TTC28: variants seen among roughly 807,000 people sequenced by gnomAD.
The protein encoded by TTC28 is tetratricopeptide repeat protein 28.
TTC28 carries 61 observed loss-of-function variants against 198.0 expected under a neutral mutation model. The ratio of observed to expected loss-of-function variants is 0.31; its 90% CI spans 0.25 to 0.38. TTC28 has a LOEUF of 0.38. Ranked by LOEUF, TTC28 falls within the 10% of genes least tolerant of loss-of-function variation. TTC28 has a pLI of 1.00. For missense variants in TTC28, 2,678 were observed against 3,164.0 expected (o/e 0.85, Z 3.69); for synonymous variants, 1,171 against 1,297.8 (o/e 0.90, Z 2.10).
In TTC28 at chr22:28,107,582, T is replaced by G. The variant is rs1440593605; in HGVS notation, c.2263A>C (p.Ser755Arg). The change falls in exon 7 of 23, where the codon AGT becomes CGT. Residue 755 changes from serine (S) to arginine (R), a missense_variant. Ser to Arg is a moderately radical substitution (Grantham distance 110). Coordinates refer to ENST00000397906, the MANE Select transcript of TTC28 (RefSeq NM_001145418.2). ...GCAGTGCCCAGGGCTGCATATGCAC[T>G]GGCTTCTAATCTTCTGTCCTTTACC... The part of the protein sequence containing the change: ...HQVKDRRLEA[S>R]AYAALGTAYR... The G allele has an allele frequency of 6.4e-7, 1 of 1,551,826 alleles. No individual in the cohort carries two copies. The highest frequency in any genetic ancestry group is 1.4e-5 in the African/African-American group (1 of 73,188).
chr22:28,433,193 T>G (rs2047458927), intron 2 of TTC28, among the ~76,000 whole-genome samples: 1 of 152,232 alleles, frequency 6.6e-6, no homozygotes, highest in South Asian at 2.1e-4. Context: ...TTATAGAAAA[T>G]GTATCTGAAA....
chr22:28,346,273 G>T (rs1040513781), intron 2 of TTC28, among the ~76,000 whole-genome samples: 1 of 152,178 alleles, frequency 6.6e-6, no homozygotes, highest in Non-Finnish European at 1.5e-5. Context: ...CTTTATACCA[G>T]TTATCGCCAA....
At chr22:28,158,027 C>T (rs1943789687) in intron 6 of TTC28, among the ~76,000 whole-genome samples, 1 of 151,306 alleles carries the variant, frequency 6.6e-6, no homozygotes, top group African/African-American at 2.4e-5. Context: ...CTAAAGACTC[C>T]ATCAAAAAAA....
intron 5 of TTC28, among the ~76,000 whole-genome samples, chr22:28,256,364 T>A (rs1350178429): frequency 6.9e-6 from 1 of 145,878 alleles, no homozygotes; most frequent in African/African-American, 2.6e-5. Context: ...GAGGTTGCAG[T>A]GAGCCAAGAT....
At position 27,981,968 on chromosome 22, in the gene TTC28, T is replaced by C. The variant is rs368042467; in HGVS notation, c.*253A>G. On this transcript the variant is annotated 3_prime_UTR_variant, in exon 23 of 23. Transcript: ENST00000397906. Reference sequence around the variant, plus strand: ...AGGGAGTTCAAAGGTAAACAAACATTTGGTGAAGTGTGTAGGAAATTCCAT... The same window carrying C: ...AGGGAGTTCAAAGGTAAACAAACATCTGGTGAAGTGTGTAGGAAATTCCAT... The C allele has an allele frequency of 2.2e-5, 9 of 403,006 alleles. No individual in the cohort carries two copies. Among genetic ancestry groups the C allele is most frequent in the East Asian group, 7.4e-5 (2 of 26,848 alleles). 25.0% of individuals were successfully genotyped at this position (403,006 alleles called of 1,614,324 possible).
At chr22:28,138,855 T>A (rs2146982570) in intron 6 of TTC28, among the ~76,000 whole-genome samples, 1 of 152,282 alleles carries the variant, frequency 6.6e-6, no homozygotes, top group East Asian at 1.9e-4. Context: ...TCAATATTGT[T>A]GAACTGAACT....
intron 2 of TTC28, among the ~76,000 whole-genome samples, chr22:28,488,904 G>A (rs1048195370): frequency 2.0e-5 from 3 of 152,100 alleles, no homozygotes; most frequent in Non-Finnish European, 4.4e-5. Flanking sequence ...GCAAGAGACA[G>A]AATAAAAAAC....
chr22:28,223,719 T>C (rs1208503108), intron 5 of TTC28, among the ~76,000 whole-genome samples: 1 of 152,234 alleles, frequency 6.6e-6, no homozygotes, highest in Non-Finnish European at 1.5e-5. Context: ...ACATGGTACC[T>C]ACATGAATAA....
At chr22:28,677,873 G>A (rs1297991139) in intron 1 of TTC28, among the ~76,000 whole-genome samples, 1 of 152,054 alleles carries the variant, frequency 6.6e-6, no homozygotes, top group Non-Finnish European at 1.5e-5. Context: ...GGGAGGTGGA[G>A]GTTGCAGTGA....
At chr22:28,563,129 A>G (rs914137868) in intron 2 of TTC28, among the ~76,000 whole-genome samples, 6 of 152,178 alleles carry the variant, frequency 3.9e-5, no homozygotes, top group African/African-American at 1.4e-4. Flanking sequence ...CCTCAAAATA[A>G]TAAGAAGAAG....
intron 2 of TTC28, among the ~76,000 whole-genome samples, chr22:28,448,650 G>A (rs2047735191): frequency 6.6e-6 from 1 of 152,192 alleles, no homozygotes; most frequent in South Asian, 2.1e-4. Context: ...ATTTCACACA[G>A]TTGGGTAATC....
rs556843122 is a variant in TTC28 at position 28,228,529 on chromosome 22, G to A, written c.934-64930C>T. On this transcript the variant is annotated intron_variant, in intron 5 of 22. Transcript: ENST00000397906. ...AGCCTGGCCAACATGGCGAAAACCC[G>A]TCTCTACTAAAAATACAAAAATTAG... Among the ~76,000 whole-genome samples, 12 of 151,962 alleles carry A rather than the reference G, an allele frequency of 7.9e-5. No homozygotes were observed. The South Asian group carries it at 8.3e-4, about 11-fold the overall frequency.
intron 2 of TTC28, among the ~76,000 whole-genome samples, chr22:28,385,840 C>T (rs976029014): frequency 6.6e-6 from 1 of 152,208 alleles, no homozygotes; most frequent in Non-Finnish European, 1.5e-5. Flanking sequence ...ACCCACAACT[C>T]TACTCACTAT....
At chr22:28,585,410 G>A (rs770441213) in intron 2 of TTC28, among the ~76,000 whole-genome samples, 6 of 152,126 alleles carry the variant, frequency 3.9e-5, no homozygotes, top group East Asian at 1.9e-4. Flanking sequence ...CCGTGCATGC[G>A]CAGTTCACGA....
chr22:28,158,010 GA>G (rs915138715), intron 6 of TTC28, among the ~76,000 whole-genome samples: 1 of 151,296 alleles, frequency 6.6e-6, no homozygotes, highest in Non-Finnish European at 1.5e-5. Flanking sequence ...ATTATACTTG[GA>G]AAAATCTAAA....
chr22:27,986,671 G>A (rs184464250), intron 21 of TTC28, among the ~76,000 whole-genome samples: 64 of 152,276 alleles, frequency 4.2e-4, no homozygotes, highest in African/African-American at 1.4e-3. Flanking sequence ...GCTATGTGTC[G>A]TGACTCAGCA....
Position 28,263,882 on chromosome 22 carries a change from A to G in TTC28, c.933+32316T>C, listed in dbSNP as rs147262791. Among the ~76,000 whole-genome samples the G allele has an allele frequency of 8.8e-3, 1,336 of 152,230 alleles. 15 individuals carry two copies. The highest frequency in any genetic ancestry group is 0.03 in the African/African-American group (1,263 of 41,538). ...ATTAGGAGCTGGATCACAGAGGGCC[A>G]TGGCTAAAAAGTTTAGACTGATTCG... is the stretch of plus-strand genomic sequence containing the variant. On this transcript the variant is annotated intron_variant, in intron 5 of 22. Coordinates refer to ENST00000397906, the MANE Select transcript of TTC28 (RefSeq NM_001145418.2).
chr22:28,282,668 G>C (rs1465300503), intron 5 of TTC28, among the ~76,000 whole-genome samples: 1 of 152,196 alleles, frequency 6.6e-6, no homozygotes, highest in Non-Finnish European at 1.5e-5. Flanking sequence ...CAAGAGGTCT[G>C]TCCATGATAG....
chr22:28,147,855 G>A (rs1160628414), intron 6 of TTC28, among the ~76,000 whole-genome samples: 2 of 152,136 alleles, frequency 1.3e-5, no homozygotes, highest in African/African-American at 4.8e-5. Context: ...GGATCACAAA[G>A]GCCTTTTCAT....
Sources: allele counts gnomAD v4.1 joint callset (sites outside exome capture counted in the v4.1 genomes callset), GRCh38; gene constraint gnomAD v4.1.1; transcripts MANE v1.5; gene names NCBI Gene and HGNC (gene_info 2026-07-23, HGNC 2026-07-21).